Variants in TENM1 observed in about 807,000 individuals in gnomAD.
TENM1 encodes teneurin transmembrane protein 1.
A neutral mutation model predicts 174.8 loss-of-function variants in TENM1; 35 were observed. The ratio of observed to expected loss-of-function variants is 0.20; its 90% CI spans 0.15 to 0.27. TENM1 has a LOEUF of 0.27. Ranked by LOEUF, TENM1 falls within the 10% of genes least tolerant of loss-of-function variation. The probability of loss-of-function intolerance (pLI) is 1.00; values close to 1 mark genes in which losing one functional copy is unlikely to be tolerated. For synonymous variants in TENM1, 781 were observed against 798.7 expected (o/e 0.98, Z 0.37); for missense variants, 1,633 against 2,130.1 (o/e 0.77, Z 4.59).
chrX:125,179,209 G>A, the TENM1 span, among the ~76,000 whole-genome samples: 1,122 of 111,307 alleles, frequency 0.01, 10 homozygotes, highest in Non-Finnish European at 0.016. Context: ...TTTCACTTCC[G>A]GAATGTGAAT....
At chrX:124,458,169 G>A (rs984627433) in intron 22 of TENM1, among the ~76,000 whole-genome samples, 1 of 111,766 alleles carries the variant, frequency 8.9e-6, no homozygotes, top group African/African-American at 3.3e-5. Flanking sequence ...TCTGAAAATT[G>A]GTACTATATG....
chrX:124,662,984 T>C (rs932206522), intron 6 of TENM1, among the ~76,000 whole-genome samples: 3 of 112,247 alleles, frequency 2.7e-5, no homozygotes, highest in Non-Finnish European at 5.6e-5. Flanking sequence ...GCTTGGCTGA[T>C]ACAGGATTAA....
At chrX:124,919,323 C>T (rs2057983468) in intron 1 of TENM1, among the ~76,000 whole-genome samples, 1 of 111,769 alleles carries the variant, frequency 8.9e-6, no homozygotes, top group South Asian at 3.8e-4. Context: ...AAAAAGACTA[C>T]AGGATAAATA....
At chrX:124,468,173 C>G (rs1422271885) in intron 22 of TENM1, among the ~76,000 whole-genome samples, 1 of 109,671 alleles carries the variant, frequency 9.1e-6, no homozygotes, top group Non-Finnish European at 1.9e-5. Context: ...TCACATATCT[C>G]TTTCTTTTTT....
chrX:124,644,501 T>C (rs2051106911), intron 10 of TENM1, among the ~76,000 whole-genome samples: 1 of 110,210 alleles, frequency 9.1e-6, no homozygotes, highest in Non-Finnish European at 1.9e-5. Context: ...GTCTGATTAC[T>C]AGTAAACTTA....
exon 22 of TENM1, chrX:124,481,896 G>C (rs1217770200): frequency 8.3e-7 from 1 of 1,206,068 alleles, no homozygotes; most frequent in Non-Finnish European, 1.1e-6. Flanking sequence ...GCGAGTATTG[G>C]TGTCTGATAG....
the TENM1 span, among the ~76,000 whole-genome samples, chrX:125,152,451 T>C: frequency 8.9e-6 from 1 of 112,012 alleles, no homozygotes; most frequent in East Asian, 2.8e-4. Context: ...GTTAATTTGG[T>C]CAAAATCAAC....
chrX:124,446,159 C>T (rs188328590), intron 23 of TENM1, among the ~76,000 whole-genome samples: 5 of 112,486 alleles, frequency 4.4e-5, no homozygotes, highest in South Asian at 3.7e-4. Flanking sequence ...TTCAACCAAG[C>T]GGCATTTGTC....
chrX:125,128,475 G>T, the TENM1 span, among the ~76,000 whole-genome samples: 1 of 111,635 alleles, frequency 9.0e-6, no homozygotes, highest in Non-Finnish European at 1.9e-5. Context: ...TCCTCCTCCT[G>T]AACACACAGG....
chrX:125,080,053 C>G, the TENM1 span, among the ~76,000 whole-genome samples: 1 of 103,721 alleles, frequency 9.6e-6, no homozygotes, highest in Admixed American at 1.0e-4. Flanking sequence ...CCTCCAGATA[C>G]GTTTCCTAGC....
rs747679431 is a variant in TENM1, at chrX:124,645,131, T to C, written c.1876+12A>G. ...AAAAGCCTGAAGCAATAGATTAAAA[T>C]GGGATTCTGACCTTCCTCGCATATT... is the stretch of plus-strand genomic sequence containing the variant. On this transcript the variant is annotated intron_variant, in intron 10 of 31. Coordinates refer to ENST00000422452, the Ensembl canonical transcript of TENM1. 1.7e-6 allele frequency: 2 copies of C among 1,201,739 alleles called. No homozygotes were observed. Among genetic ancestry groups the C allele is most frequent in the Non-Finnish European group, 2.2e-6 (2 of 889,060 alleles).
At chrX:124,412,962 A>T (rs1251197617) in intron 25 of TENM1, among the ~76,000 whole-genome samples, 3 of 112,090 alleles carry the variant, frequency 2.7e-5, no homozygotes, top group Non-Finnish European at 5.6e-5. Flanking sequence ...GTAGGTAGAG[A>T]TTGGGAAGGG....
At chrX:124,832,096 G>C (rs986328560) in intron 3 of TENM1, among the ~76,000 whole-genome samples, 2 of 111,539 alleles carry the variant, frequency 1.8e-5, no homozygotes, top group African/African-American at 6.5e-5. Flanking sequence ...TACAAGAAGT[G>C]GGGGAGGCCT....
At chrX:124,417,332 T>A (rs1265798007) in intron 25 of TENM1, among the ~76,000 whole-genome samples, 1 of 110,969 alleles carries the variant, frequency 9.0e-6, no homozygotes, top group African/African-American at 3.3e-5. Context: ...GCCTCAGGCC[T>A]CCCAAGTAGC....
At chrX:124,705,296 G>GTTTACTGAGAATGATGGTTTCCAAT in intron 4 of TENM1, 45 bp from the exon 8 acceptor site, 1 of 1,012,569 alleles carries the variant, frequency 9.9e-7, no homozygotes, top group Non-Finnish European at 1.4e-6. Flanking sequence ...AGCAAAGCCA[G>GTTTACTGAGAATGATGGTTTCCAAT]TTGCTACAAA....
At chrX:124,751,020 C>T (rs2054051022) in intron 3 of TENM1, among the ~76,000 whole-genome samples, 2 of 111,824 alleles carry the variant, frequency 1.8e-5, no homozygotes, top group Admixed American at 9.5e-5. Context: ...TCAGTAGCAC[C>T]TACATAATTT....
chrX:124,653,757 T>C, exon 7 of TENM1: 1 of 1,210,900 alleles, frequency 8.3e-7, no homozygotes, highest in East Asian at 3.0e-5. Context: ...ACTTCTCCAG[T>C]GTCTATCGCC....
At chrX:124,743,662 A>G (rs1176004785) in intron 3 of TENM1, among the ~76,000 whole-genome samples, 1 of 111,708 alleles carries the variant, frequency 9.0e-6, no homozygotes, top group African/African-American at 3.3e-5. Flanking sequence ...TGTCAAGTAC[A>G]TCCCTTTGAG....
At chrX:124,835,243 T>A (rs2147343158) in intron 3 of TENM1, among the ~76,000 whole-genome samples, 1 of 112,155 alleles carries the variant, frequency 8.9e-6, no homozygotes, top group South Asian at 3.7e-4. Context: ...GTAGACATCT[T>A]TTGACTAAAA....
Sources: gnomAD v4.1 joint callset for allele counts (sites outside exome capture counted in the v4.1 genomes callset) on GRCh38, gnomAD v4.1.1 for gene constraint, MANE v1.5 for transcripts, NCBI Gene and HGNC (gene_info 2026-07-23, HGNC 2026-07-21) for gene names.